The following SPTBN1 variants were observed in gnomAD, a reference collection of about 807,000 sequenced individuals.
The protein encoded by SPTBN1 is spectrin beta chain, non-erythrocytic 1.
A neutral mutation model predicts 266.4 loss-of-function variants in SPTBN1; 32 were observed. That is an observed-to-expected ratio of 0.12 (90% confidence interval 0.09 to 0.16). SPTBN1 has a LOEUF of 0.16. SPTBN1 is among the 10% of genes least tolerant of loss of function. SPTBN1 has a pLI of 1.00. For synonymous variants in SPTBN1, 1,336 were observed against 1,162.2 expected (o/e 1.15, Z -3.04); for missense variants, 2,296 against 3,067.1 (o/e 0.75, Z 5.94).
Position 54,623,503 on chromosome 2 carries a change from A to G in SPTBN1, c.1089A>G (p.Glu363=). ...PPKFTEKGNL[E]VLLFTIQSKM... ...GATTTACTGAGAAGGGGAACTTGGAAGTGCTGCTCTTCACCATTCAGAGCA... is the reference window on the plus strand; with the variant it reads ...GATTTACTGAGAAGGGGAACTTGGAGGTGCTGCTCTTCACCATTCAGAGCA... Residue 363 remains glutamate, a synonymous_variant, in exon 10 of 36, where the codon GAA becomes GAG. Coordinates refer to ENST00000356805, the MANE Select transcript of SPTBN1 (RefSeq NM_003128.3). 1.2e-6 allele frequency: 2 copies of G among 1,614,050 alleles called. No individual in the cohort carries two copies. The highest frequency in any genetic ancestry group is 2.2e-5 in the East Asian group (1 of 44,898).
At chr2:54,650,064 C>G in intron 26 of SPTBN1, 75 bp downstream of exon 26, 2 of 1,503,820 alleles carry the variant, frequency 1.3e-6, no homozygotes, top group Non-Finnish European at 1.8e-6. Flanking sequence ...CTGTAAGTAT[C>G]TCCCTGTTCC....
chr2:54,514,572 C>A (rs141536897), intron 1 of SPTBN1, among the ~76,000 whole-genome samples: 1 of 152,354 alleles, frequency 6.6e-6, no homozygotes, highest in East Asian at 1.9e-4. Flanking sequence ...GCTAAATCTT[C>A]ACTGCTCCCC....
At chr2:54,612,572 C>T (rs1188031972) in intron 4 of SPTBN1, among the ~76,000 whole-genome samples, 1 of 152,198 alleles carries the variant, frequency 6.6e-6, no homozygotes, top group Non-Finnish European at 1.5e-5. Context: ...TCCTGTCAGA[C>T]ACATCTCAGC....
At chr2:54,624,246 A>G (rs1678180288) in intron 10 of SPTBN1, among the ~76,000 whole-genome samples, 1 of 152,186 alleles carries the variant, frequency 6.6e-6, no homozygotes, top group African/African-American at 2.4e-5. Context: ...AAGTGCTGGA[A>G]TTATAGGCGT....
chr2:54,656,031 G>T lies in SPTBN1; in HGVS notation c.6046+33G>T. 1.9e-6 allele frequency: 3 copies of T among 1,549,302 alleles called. No homozygotes were observed. In the South Asian group the frequency reaches 3.5e-5, roughly 18 times the overall value. On this transcript the variant is annotated intron_variant, in intron 29 of 35. Transcript: ENST00000356805. The stretch of plus-strand genomic sequence containing the variant: ...TGTAGTTTATCTTTCTGCTCTTTTG[G>T]GTATCAATGGAAAACATGCACGTTT...
intron 2 of SPTBN1, among the ~76,000 whole-genome samples, chr2:54,597,292 C>T (rs1558882947): frequency 1.3e-5 from 2 of 152,208 alleles, no homozygotes; most frequent in Admixed American, 6.5e-5. Context: ...AATTACAGCT[C>T]CTGAGTCACT....
At chr2:54,625,900 A>G (rs1678291137) in intron 11 of SPTBN1, 32 bp from the exon 12 acceptor site, 1 of 1,601,824 alleles carries the variant, frequency 6.2e-7, no homozygotes, top group Non-Finnish European at 8.5e-7. Context: ...TGGATTTTTT[A>G]TTTTCCTTCT....
At chr2:54,537,147 G>A (rs749010911) in intron 2 of SPTBN1, among the ~76,000 whole-genome samples, 6 of 152,176 alleles carry the variant, frequency 3.9e-5, no homozygotes, top group Non-Finnish European at 7.3e-5. Context: ...TTATATTTCC[G>A]ATGGGCCATG....
Position 54,618,058 on chromosome 2 carries a change from C to G in SPTBN1, c.648-20C>G. 1 of 1,583,288 alleles carries G rather than the reference C, an allele frequency of 6.3e-7. No homozygotes were observed. The highest frequency in any genetic ancestry group is 8.6e-7 in the Non-Finnish European group (1 of 1,157,132). On this transcript the variant is annotated intron_variant, in intron 6 of 35. Transcript: ENST00000356805. ...TTTCAAGCCATGATTTTTGTTGTGT[C>G]CCACTGTTGTTCTGCACAGGCCTGA...
At chr2:54,610,018 G>A (rs192386356) in intron 3 of SPTBN1, among the ~76,000 whole-genome samples, 64 of 135,896 alleles carry the variant, frequency 4.7e-4, no homozygotes, top group Middle Eastern at 3.9e-3. Flanking sequence ...CTCTTACTGG[G>A]CTTTTGTGAA....
At chr2:54,564,840 C>T (rs1437160563) in intron 2 of SPTBN1, among the ~76,000 whole-genome samples, 3 of 152,194 alleles carry the variant, frequency 2.0e-5, no homozygotes, top group Non-Finnish European at 2.9e-5. Context: ...GTTACAGTTC[C>T]AGTCTTTGTC....
At chr2:54,659,914 CT>C in intron 31 of SPTBN1, 21 bp from the exon 32 acceptor site, 1 of 1,610,736 alleles carries the variant, frequency 6.2e-7, no homozygotes, top group East Asian at 2.2e-5. Flanking sequence ...TCCCTTCCTC[CT>C]TTTCCCCTCT....
rs1205875755 is a variant in SPTBN1, at chr2:54,540,831, TGACCAAGCAAGATAGGGAATGGA to T, written c.148+14266_148+14288del. On this transcript the variant is annotated intron_variant, in intron 2 of 35. Coordinates refer to ENST00000356805, the MANE Select transcript of SPTBN1 (RefSeq NM_003128.3). This position sits in a 1 kb window ranked among gnomAD's most constrained non-coding sequence, Gnocchi z 5.6. Reference sequence around the variant, plus strand: ...CATACAGAGTATTAGGTGACTATAGTGACCAAGCAAGATAGGGAATGGAATGTTAAAATTGTAGTAGTTTATAC... The same window carrying T: ...CATACAGAGTATTAGGTGACTATAGTATGTTAAAATTGTAGTAGTTTATAC... The T allele has an allele frequency of 3.3e-5, 5 of 152,230 alleles. No homozygotes were observed. The highest frequency in any genetic ancestry group is 2.9e-5 in the Non-Finnish European group (2 of 68,032). The allele number at this position is 152,230 out of a possible 1,614,324, so 9.4% of individuals were successfully genotyped here.
At chr2:54,546,958 TAAAAAAA>T (rs71975342) in intron 2 of SPTBN1, among the ~76,000 whole-genome samples, 1 of 144,088 alleles carries the variant, frequency 6.9e-6, no homozygotes. Context: ...TTAATGGTGG[TAAAAAAA>T]AAAAAAAAAC....
chr2:54,530,164 G>T (rs1049457429), intron 2 of SPTBN1, among the ~76,000 whole-genome samples: 2 of 152,048 alleles, frequency 1.3e-5, no homozygotes, highest in Non-Finnish European at 2.9e-5. Flanking sequence ...TGCAAAACAT[G>T]TAGGAATTCA....
chr2:54,628,797 C>A lies in SPTBN1; in HGVS notation c.1799-136C>A. On this transcript the variant is annotated intron_variant, in intron 13 of 35. Coordinates refer to ENST00000356805, the MANE Select transcript of SPTBN1 (RefSeq NM_003128.3). This position sits in a 1 kb window ranked among gnomAD's most constrained non-coding sequence, Gnocchi z 4.3. ...GTTAGAAGGTGCTCCATTGCCTTAT[C>A]GCATGGCCCTGCATTTACATTTAGC... 8.6e-7 allele frequency: 1 copy of A among 1,157,124 alleles called. No homozygotes were observed. Among genetic ancestry groups the A allele is most frequent in the Non-Finnish European group, 1.2e-6 (1 of 839,522 alleles). The allele number at this position is 1,157,124 out of a possible 1,614,324, so 71.7% of individuals were successfully genotyped here.
At chr2:54,509,976 T>C (rs1669768578) in intron 1 of SPTBN1, among the ~76,000 whole-genome samples, 1 of 146,688 alleles carries the variant, frequency 6.8e-6, no homozygotes, top group Non-Finnish European at 1.5e-5. Context: ...TTTTTTTTAA[T>C]GATAAGGGGT....
intron 1 of SPTBN1, among the ~76,000 whole-genome samples, chr2:54,515,492 C>T (rs1370507900): frequency 6.6e-6 from 1 of 151,842 alleles, no homozygotes; most frequent in African/African-American, 2.4e-5. Flanking sequence ...TCATTTTTTT[C>T]ATTATTCCCA....
At chr2:54,623,646 G>A (rs1404360361) in intron 10 of SPTBN1, 50 bp downstream of exon 10, 1 of 1,459,396 alleles carries the variant, frequency 6.9e-7, no homozygotes, top group East Asian at 2.3e-5. Flanking sequence ...GGAGGCTTCA[G>A]GTTCTATCAC....
Sources: gnomAD v4.1 joint callset for allele counts (sites outside exome capture counted in the v4.1 genomes callset) on GRCh38, gnomAD v4.1.1 for gene constraint, Gnocchi (gnomAD v3.1) non-coding constraint, MANE v1.5 for transcripts, NCBI Gene and HGNC (gene_info 2026-07-23, HGNC 2026-07-21) for gene names.